The following THSD7B variants were observed in gnomAD, a reference collection of about 807,000 sequenced individuals.
THSD7B encodes thrombospondin type-1 domain-containing protein 7B.
In THSD7B, 138 loss-of-function variants were observed where a neutral mutation model predicts 213.6. That is an observed-to-expected ratio of 0.65 (90% confidence interval 0.56 to 0.74). The LOEUF (loss-of-function observed/expected upper bound fraction) is 0.74, where lower values mean the gene tolerates loss of function less well. THSD7B is among the 30% of genes least tolerant of loss of function. The pLI is 0.00. For missense variants in THSD7B, 1,931 were observed against 1,991.5 expected (o/e 0.97, Z 0.58); for synonymous variants, 742 against 687.0 (o/e 1.08, Z -1.25).
At chr2:136,770,724 C>A (rs1030329958) in intron 1 of THSD7B, among the ~76,000 whole-genome samples, 4 of 152,134 alleles carry the variant, frequency 2.6e-5, no homozygotes, top group African/African-American at 9.7e-5. Context: ...GTACTCGTGA[C>A]AAGAATGAAT....
At position 137,268,196 on chromosome 2, in the gene THSD7B, C is replaced by T. The variant is rs186790052; in HGVS notation, c.2267-4337C>T. ...TACTTTAAGTTCTAGGGTACATGTG[C>T]ACAACATGCAGGTTTGTTAAGTAAG... is the stretch of plus-strand genomic sequence containing the variant. On this transcript the variant is annotated intron_variant, in intron 10 of 27. Transcript: ENST00000409968. Among the ~76,000 whole-genome samples, 467 of 152,028 alleles carry T rather than the reference C, an allele frequency of 3.1e-3. 1 individual carries two copies. Among genetic ancestry groups the T allele is most frequent in the South Asian group, 5.8e-3 (28 of 4,812 alleles).
At chr2:137,262,445 A>C (rs1425137205) in intron 10 of THSD7B, among the ~76,000 whole-genome samples, 2 of 151,914 alleles carry the variant, frequency 1.3e-5, no homozygotes, top group Non-Finnish European at 2.9e-5. Flanking sequence ...GAAAGGGGTC[A>C]GGATTTGCGG....
chr2:137,326,254 G>A (rs921035621), intron 12 of THSD7B, among the ~76,000 whole-genome samples: 5 of 152,062 alleles, frequency 3.3e-5, no homozygotes, highest in African/African-American at 1.2e-4. Context: ...CCTTCAGAAG[G>A]GTAAGAGTGA....
At chr2:136,913,055 G>A (rs770378650) in intron 2 of THSD7B, among the ~76,000 whole-genome samples, 1 of 152,230 alleles carries the variant, frequency 6.6e-6, no homozygotes, top group Non-Finnish European at 1.5e-5. Flanking sequence ...TTGTTGAATG[G>A]CTTTGTGCCA....
intron 2 of THSD7B, among the ~76,000 whole-genome samples, chr2:137,014,981 T>C (rs1295232784): frequency 6.6e-6 from 1 of 152,072 alleles, no homozygotes; most frequent in Non-Finnish European, 1.5e-5. Flanking sequence ...TTCTCCTCAC[T>C]CCCTCTAAGA....
At chr2:137,450,471 G>A (rs1053012626) in intron 14 of THSD7B, among the ~76,000 whole-genome samples, 1 of 152,174 alleles carries the variant, frequency 6.6e-6, no homozygotes, top group South Asian at 2.1e-4. Flanking sequence ...CCTTAAGAAG[G>A]ATGGACTCTT....
At chr2:137,584,548 G>T (rs191162894) in intron 17 of THSD7B, among the ~76,000 whole-genome samples, 1 of 152,132 alleles carries the variant, frequency 6.6e-6, no homozygotes, top group African/African-American at 2.4e-5. Flanking sequence ...AGCATGAAGG[G>T]CTGTTGAATT....
At chr2:137,000,237 C>T (rs1036646926) in intron 2 of THSD7B, among the ~76,000 whole-genome samples, 4 of 152,078 alleles carry the variant, frequency 2.6e-5, no homozygotes, top group Non-Finnish European at 5.9e-5. Flanking sequence ...CCATTTTTCC[C>T]CTAGGTTGAG....
chr2:137,273,181 A>AT (rs1373107263), intron 11 of THSD7B, among the ~76,000 whole-genome samples: 2 of 151,992 alleles, frequency 1.3e-5, no homozygotes. Flanking sequence ...TTGGTTCTCA[A>AT]TTTTTGTGAT....
intron 15 of THSD7B, among the ~76,000 whole-genome samples, chr2:137,497,569 A>T (rs954110902): frequency 6.6e-6 from 1 of 152,008 alleles, no homozygotes; most frequent in African/African-American, 2.4e-5. Flanking sequence ...TATCAAACAT[A>T]TAATTATACA....
chr2:136,862,127 C>T (rs1558829643), intron 1 of THSD7B, among the ~76,000 whole-genome samples: 1 of 152,222 alleles, frequency 6.6e-6, no homozygotes, highest in Non-Finnish European at 1.5e-5. Flanking sequence ...GGAAGTCACA[C>T]ACCATCACTT....
Position 137,146,000 on chromosome 2 carries a change from T to G in THSD7B, c.1370-14213T>G, listed in dbSNP as rs192504772. 2.6e-3 allele frequency among the ~76,000 whole-genome samples: 392 copies of G among 152,250 alleles called. 3 individuals are homozygous for G. Among genetic ancestry groups the G allele is most frequent in the African/African-American group, 8.8e-3 (365 of 41,568 alleles). On this transcript the variant is annotated intron_variant, in intron 5 of 27. Transcript: ENST00000409968. The stretch of plus-strand genomic sequence containing the variant: ...AAAATGTAAATAATTGTCTCCATTT[T>G]ATAACCCATTTTCTCTGATGATATA...
intron 21 of THSD7B, among the ~76,000 whole-genome samples, chr2:137,651,529 T>C (rs1190684065): frequency 6.6e-6 from 1 of 152,064 alleles, no homozygotes; most frequent in African/African-American, 2.4e-5. Context: ...TTTGATCATT[T>C]GATCTTCTGT....
chr2:137,318,096 C>A (rs772628584), intron 12 of THSD7B, among the ~76,000 whole-genome samples: 16 of 152,106 alleles, frequency 1.1e-4, no homozygotes, highest in Admixed American at 1.0e-3. Flanking sequence ...AAATCTAACT[C>A]AAATTAGGCT....
chr2:137,620,538 C>A, intron 19 of THSD7B, 71 bp from the exon 20 acceptor site: 1 of 1,192,724 alleles, frequency 8.4e-7, no homozygotes, highest in Non-Finnish European at 1.2e-6. Context: ...GAAAGTCTTT[C>A]CCATGAAAGG....
intron 13 of THSD7B, among the ~76,000 whole-genome samples, chr2:137,409,222 T>C (rs768708831): frequency 8.5e-4 from 130 of 152,156 alleles, no homozygotes; most frequent in Non-Finnish European, 1.4e-3. Flanking sequence ...TTGAAGGTAG[T>C]GAGGTATGAT....
chr2:137,589,103 A>G (rs1390686370), intron 17 of THSD7B, among the ~76,000 whole-genome samples: 1 of 152,184 alleles, frequency 6.6e-6, no homozygotes, highest in Non-Finnish European at 1.5e-5. Context: ...TTAAAATCAA[A>G]TAACATAAGT....
intron 12 of THSD7B, among the ~76,000 whole-genome samples, chr2:137,316,886 T>A (rs982143138): frequency 6.6e-6 from 1 of 152,180 alleles, no homozygotes; most frequent in Non-Finnish European, 1.5e-5. Context: ...CATTGACTGT[T>A]GTTAACATTG....
chr2:137,626,115 C>T (rs370020816), intron 20 of THSD7B, among the ~76,000 whole-genome samples: 42 of 152,274 alleles, frequency 2.8e-4, no homozygotes, highest in African/African-American at 9.1e-4. Flanking sequence ...ACCATTCTTT[C>T]CTTCTAGACT....
Sources: allele counts gnomAD v4.1 joint callset (sites outside exome capture counted in the v4.1 genomes callset), GRCh38; gene constraint gnomAD v4.1.1; transcripts MANE v1.5; gene names NCBI Gene and HGNC (gene_info 2026-07-23, HGNC 2026-07-21).